Variants in EPS8 observed in about 807,000 individuals in gnomAD.
The protein encoded by EPS8 is epidermal growth factor receptor kinase substrate 8.
Under a neutral mutation model 103.8 loss-of-function variants are expected in EPS8, and 42 were observed. The ratio of observed to expected loss-of-function variants is 0.40; its 90% CI spans 0.32 to 0.52. The LOEUF (loss-of-function observed/expected upper bound fraction) is 0.52. Ranked by LOEUF, EPS8 falls within the 20% of genes least tolerant of loss-of-function variation. EPS8 has a pLI of 0.40. For missense variants in EPS8, 969 were observed against 1,005.1 expected (o/e 0.96, Z 0.49); for synonymous variants, 344 against 344.6 (o/e 1.00, Z 0.02).
rs1159152227 is a variant in EPS8 at position 15,752,705 on chromosome 12, A to G, written c.-22+36456T>C. Among the ~76,000 whole-genome samples the G allele has an allele frequency of 6.6e-6, 1 of 152,120 alleles. No homozygotes were observed. Among genetic ancestry groups the G allele is most frequent in the Non-Finnish European group, 1.5e-5 (1 of 68,034 alleles). On this transcript the variant is annotated intron_variant, in intron 1 of 20. Coordinates refer to ENST00000281172, the MANE Select transcript of EPS8 (RefSeq NM_004447.6). This position sits in a 1 kb window ranked among gnomAD's most constrained non-coding sequence, Gnocchi z 4.4. ...AGAGGAGATGGGCCTGAGAAGTTAT[A>G]CCCCGACAGTGAAGATATTAATAAT...
Position 15,717,922 on chromosome 12 carries a change from C to G in EPS8, c.-21-34950G>C, listed in dbSNP as rs1252154531. ...AATGTCACTTTCAACCTAGAAATCA[C>G]TGTACAGCTCCAATAAGACATGATC... On this transcript the variant is annotated intron_variant, in intron 1 of 20. Transcript: ENST00000281172. This position sits in a 1 kb window ranked among gnomAD's most constrained non-coding sequence, Gnocchi z 4.3. Among the ~76,000 whole-genome samples the G allele has an allele frequency of 6.6e-6, 1 of 152,186 alleles. No homozygotes were observed. The highest frequency in any genetic ancestry group is 1.5e-5 in the Non-Finnish European group (1 of 68,032).
rs1358776370 is a variant in EPS8 at position 15,757,546 on chromosome 12, C to T, written c.-22+31615G>A. Among the ~76,000 whole-genome samples the T allele has an allele frequency of 1.3e-5, 2 of 152,088 alleles. No homozygotes were observed. Among genetic ancestry groups the T allele is most frequent in the Non-Finnish European group, 2.9e-5 (2 of 68,018 alleles). On this transcript the variant is annotated intron_variant, in intron 1 of 20. Transcript: ENST00000281172. The surrounding 1 kb of genome is among the most constrained non-coding windows in gnomAD (Gnocchi z 4.1). ...TCAGGAGGCTGAGGCAGGAGAATCG[C>T]TTGAACCCAGGAGCCAGAAGTTGCA...
intron 16 of EPS8, among the ~76,000 whole-genome samples, chr12:15,641,325 C>T (rs1033230579): frequency 8.6e-5 from 13 of 151,636 alleles, no homozygotes; most frequent in African/African-American, 3.1e-4. Context: ...ACATTATTAG[C>T]TCAATGACTG....
intron 13 of EPS8, among the ~76,000 whole-genome samples, chr12:15,653,380 AATCCAGCCCTCATCTCT>A (rs1171104581): frequency 6.6e-6 from 1 of 152,156 alleles, no homozygotes; most frequent in East Asian, 1.9e-4. Flanking sequence ...AAGCCTGCAT[AATCCAGCCCTCATCTCT>A]ATATGCTCAT....
intron 1 of EPS8, among the ~76,000 whole-genome samples, chr12:15,768,756 C>T (rs1947124141): frequency 6.6e-6 from 1 of 151,992 alleles, no homozygotes; most frequent in Admixed American, 6.6e-5. Context: ...TAACATTAAA[C>T]AATATTGACA....
At chr12:15,674,861 AG>A (rs1236878796) in intron 3 of EPS8, among the ~76,000 whole-genome samples, 1 of 151,738 alleles carries the variant, frequency 6.6e-6, no homozygotes, top group Admixed American at 6.6e-5. Flanking sequence ...TTAAAAAAAA[AG>A]ATTTCAATGT....
Position 15,681,238 on chromosome 12 carries a change from T to C in EPS8, c.124A>G (p.Lys42Glu). 1 of 1,565,718 alleles carries C rather than the reference T, an allele frequency of 6.4e-7. No individual in the cohort carries two copies. The highest frequency in any genetic ancestry group is 8.7e-7 in the Non-Finnish European group (1 of 1,149,924). ...DREHGSKTSA[K>E]ALYEQRKNYA... ...TAAACAAACCTACCATAAAGGGCCT[T>C]TGCACTTGTTTTTGAACCATGTTCT... Residue 42 changes from lysine (K) to glutamate (E), a missense_variant, in exon 3 of 21, where the codon AAG becomes GAG. Physicochemically the swap from Lys to Glu is moderately conservative, Grantham distance 56. Coordinates refer to ENST00000281172, the MANE Select transcript of EPS8 (RefSeq NM_004447.6).
At chr12:15,723,017 C>A (rs542715619) in intron 1 of EPS8, among the ~76,000 whole-genome samples, 71 of 146,662 alleles carry the variant, frequency 4.8e-4, no homozygotes, top group South Asian at 1.8e-3. Context: ...AAAAAAAAAA[C>A]AAACAAAAAA....
chr12:15,650,197 GTGTAGTTTTATAAATGATCATT>G (rs1302561048), intron 14 of EPS8, among the ~76,000 whole-genome samples: 1 of 152,104 alleles, frequency 6.6e-6, no homozygotes, highest in Non-Finnish European at 1.5e-5. Flanking sequence ...TCTCCTCAAG[GTGTAGTTTTATAAATGATCATT>G]TGAGCCTAAG....
rs1565502253 is a variant in EPS8, at chr12:15,690,839, G to A, written c.-21-7867C>T. ...ACATTTTGCCCACAAAGATAAAAATGCACTCTTTTCAAAATAGTATTTTTC... is the reference window on the plus strand; with the variant it reads ...ACATTTTGCCCACAAAGATAAAAATACACTCTTTTCAAAATAGTATTTTTC... On this transcript the variant is annotated intron_variant, in intron 1 of 20. Transcript: ENST00000281172. The surrounding 1 kb of genome is among the most constrained non-coding windows in gnomAD (Gnocchi z 4.7). Among the ~76,000 whole-genome samples the A allele has an allele frequency of 6.6e-6, 1 of 152,046 alleles. No individual in the cohort carries two copies. The highest frequency in any genetic ancestry group is 1.5e-5 in the Non-Finnish European group (1 of 68,004).
intron 1 of EPS8, among the ~76,000 whole-genome samples, chr12:15,692,613 C>G (rs1946190610): frequency 6.6e-6 from 1 of 151,922 alleles, no homozygotes; most frequent in Admixed American, 6.6e-5. Context: ...TTTTCTTTTG[C>G]TATTTCTTTG....
At position 15,690,696 on chromosome 12, in the gene EPS8, A is replaced by T. The variant is rs2135912829; in HGVS notation, c.-21-7724T>A. Reference sequence around the variant, plus strand: ...TACGTTGTATACTTTTCTAGGTATCAGACTGTATCAAGAGCAAAATGTATA... The same window carrying T: ...TACGTTGTATACTTTTCTAGGTATCTGACTGTATCAAGAGCAAAATGTATA... On this transcript the variant is annotated intron_variant, in intron 1 of 20. Transcript: ENST00000281172. The surrounding 1 kb of genome is among the most constrained non-coding windows in gnomAD (Gnocchi z 4.7). Among the ~76,000 whole-genome samples the T allele has an allele frequency of 6.6e-6, 1 of 152,310 alleles. No homozygotes were observed. Among genetic ancestry groups the T allele is most frequent in the East Asian group, 1.9e-4 (1 of 5,182 alleles).
Position 15,664,593 on chromosome 12 carries a change from T to C in EPS8, c.736+1163A>G, listed in dbSNP as rs565652953. 2.6e-5 allele frequency among the ~76,000 whole-genome samples: 4 copies of C among 152,306 alleles called. No individual in the cohort carries two copies. In the East Asian group the frequency reaches 7.7e-4, roughly 29 times the overall value. ...TCCCAAGACCACACAGGTAGACATA[T>C]CAGGTCTTGCTTCAGAGTCCAACTT... On this transcript the variant is annotated intron_variant, in intron 8 of 20. Transcript: ENST00000281172.
rs906932942 is a variant in EPS8, at chr12:15,757,995, A to G, written c.-22+31166T>C. Among the ~76,000 whole-genome samples the G allele has an allele frequency of 6.6e-6, 1 of 152,218 alleles. No individual in the cohort carries two copies. Among genetic ancestry groups the G allele is most frequent in the Admixed American group, 6.5e-5 (1 of 15,280 alleles). ...GTTGGAATCATCTGAAGGCCTATTC[A>G]CTGTCAGCTTGAGACCTTAGCTGGA... On this transcript the variant is annotated intron_variant, in intron 1 of 20. Transcript: ENST00000281172. This position sits in a 1 kb window ranked among gnomAD's most constrained non-coding sequence, Gnocchi z 4.1.
In EPS8 at chr12:15,631,626, A is replaced by G; in HGVS notation, c.1860T>C (p.Thr620=). 1 of 1,613,818 alleles carries G rather than the reference A, an allele frequency of 6.2e-7. No homozygotes were observed. Among genetic ancestry groups the G allele is most frequent in the Non-Finnish European group, 8.5e-7 (1 of 1,179,838 alleles). The change falls in exon 18 of 21, where the codon ACT becomes ACC. Residue 620 remains threonine, a synonymous_variant. Coordinates refer to ENST00000281172, the MANE Select transcript of EPS8 (RefSeq NM_004447.6). ...RMEYGPRPAD[T]PPAPSPPPTP... Reference sequence around the variant, plus strand: ...TTGGAGGAGGTGATGGAGCAGGGGGAGTATCAGCTGGTCTTGGGCCATACT... The same window carrying G: ...TTGGAGGAGGTGATGGAGCAGGGGGGGTATCAGCTGGTCTTGGGCCATACT...
At chr12:15,773,934 T>C (rs1947180968) in intron 1 of EPS8, among the ~76,000 whole-genome samples, 1 of 152,140 alleles carries the variant, frequency 6.6e-6, no homozygotes, top group South Asian at 2.1e-4. Context: ...GTGACTTTAA[T>C]AAACATAATC....
rs1010747816 is a variant in EPS8, at chr12:15,620,895, C to A, written c.*422G>T. On this transcript the variant is annotated 3_prime_UTR_variant, in exon 21 of 21. Transcript: ENST00000281172. ...ACTTAAGTAAGCAGAGGCTAGCCTA[C>A]AGTGAGCTATGCCCTGAATGACAGA... 1 of 155,296 alleles carries A rather than the reference C, an allele frequency of 6.4e-6. No homozygotes were observed. The highest frequency in any genetic ancestry group is 1.4e-5 in the Non-Finnish European group (1 of 70,444). 9.6% of individuals were successfully genotyped at this position (155,296 alleles called of 1,614,324 possible).
chr12:15,743,720 T>C (rs553046385), intron 1 of EPS8, among the ~76,000 whole-genome samples: 7 of 152,334 alleles, frequency 4.6e-5, no homozygotes, highest in South Asian at 4.1e-4. Flanking sequence ...TGTAGAAAGC[T>C]GAAACTGGAT....
chr12:15,658,154 C>A lies in EPS8; in HGVS notation c.1027-1G>T. ...TCTGAATATGAGACTTCAGTTTGGC[C>A]TGCAACATGAAGAAAACAGAAAACA... On this transcript the variant is annotated splice_acceptor_variant, in intron 11 of 20. Transcript: ENST00000281172. LOFTEE classifies it high-confidence loss of function. 6.2e-7 allele frequency: 1 copy of A among 1,608,142 alleles called. No homozygotes were observed. The highest frequency in any genetic ancestry group is 8.5e-7 in the Non-Finnish European group (1 of 1,175,716).
Sources: gnomAD v4.1 joint callset for allele counts (sites outside exome capture counted in the v4.1 genomes callset) on GRCh38, gnomAD v4.1.1 for gene constraint, Gnocchi (gnomAD v3.1) non-coding constraint, MANE v1.5 for transcripts, NCBI Gene and HGNC (gene_info 2026-07-23, HGNC 2026-07-21) for gene names.